The following ADRA1A variants were observed in gnomAD, a reference collection of about 807,000 sequenced individuals.
The protein encoded by ADRA1A is alpha-1A adrenergic receptor.
In ADRA1A, 31 loss-of-function variants were observed where a neutral mutation model predicts 29.6. The ratio of observed to expected loss-of-function variants is 1.05; its 90% CI spans 0.79 to 1.41. The LOEUF (loss-of-function observed/expected upper bound fraction) is 1.41, where lower values mean the gene tolerates loss of function less well. Among genes scored for constraint, ADRA1A ranks in the 40% most tolerant of loss-of-function variants. The pLI, the probability that ADRA1A is intolerant of heterozygous loss-of-function variation, is 0.00. For synonymous variants in ADRA1A, 311 were observed against 254.3 expected (o/e 1.22, Z -2.12); for missense variants, 619 against 601.1 (o/e 1.03, Z -0.31).
chr8:26,855,545 C>T (rs1362550602), intron 2 of ADRA1A, among the ~76,000 whole-genome samples: 15 of 151,652 alleles, frequency 9.9e-5, no homozygotes, highest in Admixed American at 7.2e-4. Flanking sequence ...ACACATGACA[C>T]GGGGAGGGGA....
rs557766652 is a variant in ADRA1A, at chr8:26,829,497, C to G, written c.883+34590G>C. On this transcript the variant is annotated intron_variant, in intron 2 of 2. Coordinates refer to ENST00000380573, the MANE Select transcript of ADRA1A (RefSeq NM_000680.4). ...CATTCTAATAGAATTTTCCTTGGTA[C>G]TTAAAATTAGATTATAAATTTTACC... Among the ~76,000 whole-genome samples the G allele has an allele frequency of 6.6e-5, 10 of 151,898 alleles. No individual in the cohort carries two copies. The South Asian group carries it at 2.1e-3, about 32-fold the overall frequency.
chr8:26,770,804 T>G, intron 2 of ADRA1A, 138 bp from the exon 3 acceptor site: 1 of 1,252,856 alleles, frequency 8.0e-7, no homozygotes, highest in Non-Finnish European at 1.1e-6. Context: ...TTCTCACATT[T>G]GACTGACTAG....
intron 2 of ADRA1A, among the ~76,000 whole-genome samples, chr8:26,827,692 T>C (rs1025884781): frequency 9.2e-5 from 14 of 151,988 alleles, no homozygotes; most frequent in African/African-American, 3.1e-4. Flanking sequence ...GAATGCCCAG[T>C]CTTGGGCTTT....
In ADRA1A at chr8:26,864,979, C is replaced by T. The variant is rs201107026; in HGVS notation, c.-10G>A. The T allele has an allele frequency of 3.1e-5, 49 of 1,582,694 alleles. No individual in the cohort carries two copies. Among genetic ancestry groups the T allele is most frequent in the Middle Eastern group, 1.7e-4 (1 of 5,934 alleles). Reference sequence around the variant, plus strand: ...CCGAGAGAAACACCATGGTCCCAGCCGGGGCCGGGCGAGGTCCGGCTGTCC... The same window carrying T: ...CCGAGAGAAACACCATGGTCCCAGCTGGGGCCGGGCGAGGTCCGGCTGTCC... On this transcript the variant is annotated 5_prime_UTR_variant, in exon 2 of 3. Coordinates refer to ENST00000380573, the MANE Select transcript of ADRA1A (RefSeq NM_000680.4). The surrounding 1 kb of genome is among the most constrained non-coding windows in gnomAD (Gnocchi z 8.1).
At chr8:26,789,124 T>G (rs4412377) in intron 2 of ADRA1A, among the ~76,000 whole-genome samples, 1 of 150,872 alleles carries the variant, frequency 6.6e-6, no homozygotes, top group Non-Finnish European at 1.5e-5. Context: ...CTGACAGGCC[T>G]CCAGGTGTGA....
In ADRA1A at chr8:26,769,960, T is replaced by G. The variant is rs1348902232; in HGVS notation, c.*189A>C. The G allele has an allele frequency of 1.4e-6, 2 of 1,385,618 alleles. No individual in the cohort carries two copies. The highest frequency in any genetic ancestry group is 3.0e-5 in the Admixed American group (1 of 33,392). 85.8% of individuals were successfully genotyped at this position (1,385,618 alleles called of 1,614,324 possible). A position where few individuals can be genotyped will look rare whatever the true frequency, so the allele number is the denominator to read the frequency against. On this transcript the variant is annotated 3_prime_UTR_variant, in exon 3 of 3. Transcript: ENST00000380573. Reference sequence around the variant, plus strand: ...TCCGTATCATTCTGAACTGGTTGGTTGTGAGACACCCTCCCTCTTCCCTGT... The same window carrying G: ...TCCGTATCATTCTGAACTGGTTGGTGGTGAGACACCCTCCCTCTTCCCTGT...
At chr8:26,776,161 A>G (rs193095284) in intron 2 of ADRA1A, among the ~76,000 whole-genome samples, 4 of 152,288 alleles carry the variant, frequency 2.6e-5, no homozygotes, top group East Asian at 1.9e-4. Flanking sequence ...AATTTGATAC[A>G]CCGGTGAGTG....
intron 2 of ADRA1A, among the ~76,000 whole-genome samples, chr8:26,772,878 C>CAT (rs1806275964): frequency 1.8e-5 from 2 of 110,342 alleles, no homozygotes; most frequent in South Asian, 5.9e-4. Flanking sequence ...CACACACACA[C>CAT]ACACAATGGG....
chr8:26,752,816 C>T (rs1288814128), downstream of ADRA1A, among the ~76,000 whole-genome samples: 1 of 152,180 alleles, frequency 6.6e-6, no homozygotes, highest in Admixed American at 6.5e-5. Flanking sequence ...AAAGAACAAC[C>T]TGTAATTGCT....
chr8:26,843,726 A>G (rs1309702502), intron 2 of ADRA1A, among the ~76,000 whole-genome samples: 1 of 152,242 alleles, frequency 6.6e-6, no homozygotes, highest in Non-Finnish European at 1.5e-5. Context: ...CAACTGCCTC[A>G]TGGAAAAGCT....
intron 2 of ADRA1A, among the ~76,000 whole-genome samples, chr8:26,791,002 ACACT>A (rs1487740076): frequency 6.6e-6 from 1 of 152,188 alleles, no homozygotes. Flanking sequence ...ACACATACAC[ACACT>A]CACACACACA....
At chr8:26,761,741 A>C (rs1218584416), downstream of ADRA1A, among the ~76,000 whole-genome samples, 5 of 152,214 alleles carry the variant, frequency 3.3e-5, no homozygotes, top group African/African-American at 4.8e-5. Context: ...CTACAAATGC[A>C]TGGAGCTGTG....
chr8:26,786,124 G>A (rs1054564239), intron 2 of ADRA1A, among the ~76,000 whole-genome samples: 7 of 152,202 alleles, frequency 4.6e-5, no homozygotes, highest in African/African-American at 1.7e-4. Flanking sequence ...AACGTCCATA[G>A]CATGGGCCAT....
At chr8:26,851,590 A>T (rs114389501) in intron 2 of ADRA1A, among the ~76,000 whole-genome samples, 33 of 152,340 alleles carry the variant, frequency 2.2e-4, no homozygotes, top group African/African-American at 7.5e-4. Context: ...CTGCTATATA[A>T]AATGGTGAAC....
chr8:26,757,524 C>T (rs941259349), intron 2 of ADRA1A, among the ~76,000 whole-genome samples: 1 of 151,640 alleles, frequency 6.6e-6, no homozygotes, highest in Non-Finnish European at 1.5e-5. Flanking sequence ...CCCCACCCCC[C>T]ACCTCTGCTC....
Position 26,769,959 on chromosome 8 carries a change from T to C in ADRA1A, c.*190A>G. 7.2e-7 allele frequency: 1 copy of C among 1,384,142 alleles called. No homozygotes were observed. The highest frequency in any genetic ancestry group is 9.3e-7 in the Non-Finnish European group (1 of 1,073,132). The allele number at this position is 1,384,142 out of a possible 1,614,324, so 85.7% of individuals were successfully genotyped here. Reference sequence around the variant, plus strand: ...TTCCGTATCATTCTGAACTGGTTGGTTGTGAGACACCCTCCCTCTTCCCTG... The same window carrying C: ...TTCCGTATCATTCTGAACTGGTTGGCTGTGAGACACCCTCCCTCTTCCCTG... On this transcript the variant is annotated 3_prime_UTR_variant, in exon 3 of 3. Coordinates refer to ENST00000380573, the MANE Select transcript of ADRA1A (RefSeq NM_000680.4).
downstream of ADRA1A, among the ~76,000 whole-genome samples, chr8:26,754,042 T>G (rs1207474661): frequency 6.6e-6 from 1 of 152,250 alleles, no homozygotes; most frequent in East Asian, 1.9e-4. Flanking sequence ...TACATTCATT[T>G]TCTTTGAAAA....
rs1410913886 is a variant in ADRA1A, at chr8:26,866,900, C to T, written c.-687+36G>A. ...GGCGGGGGAGGTCTGCCCTCACCCA[C>T]TCGGCCCTGCGGGACGCCGGCCCCG... On this transcript the variant is annotated intron_variant, in intron 1 of 2. Coordinates refer to ENST00000380573, the MANE Select transcript of ADRA1A (RefSeq NM_000680.4). This position sits in a 1 kb window ranked among gnomAD's most constrained non-coding sequence, Gnocchi z 5.7. 8 of 985,388 alleles carry T rather than the reference C, an allele frequency of 8.1e-6. No homozygotes were observed. The African/African-American group carries it at 1.4e-4, about 17-fold the overall frequency. 61.0% of individuals were successfully genotyped at this position (985,388 alleles called of 1,614,324 possible). A position where few individuals can be genotyped will look rare whatever the true frequency, so the allele number is the denominator to read the frequency against.
At chr8:26,768,573 C>A (rs979846102), downstream of ADRA1A, among the ~76,000 whole-genome samples, 2 of 152,118 alleles carry the variant, frequency 1.3e-5, no homozygotes, top group Non-Finnish European at 2.9e-5. Flanking sequence ...AATTCCACAC[C>A]TGACCTCATG....
Sources: gnomAD v4.1 joint callset for allele counts (sites outside exome capture counted in the v4.1 genomes callset) on GRCh38, gnomAD v4.1.1 for gene constraint, Gnocchi (gnomAD v3.1) non-coding constraint, MANE v1.5 for transcripts, NCBI Gene and HGNC (gene_info 2026-07-23, HGNC 2026-07-21) for gene names.